Variants in PARPBP observed in about 807,000 individuals in gnomAD.
The protein encoded by PARPBP is PCNA-interacting partner.
In PARPBP, 52 loss-of-function variants were observed where a neutral mutation model predicts 50.0. That is an observed-to-expected ratio of 1.04 (90% CI 0.83 to 1.31). The LOEUF is 1.31. PARPBP is among the 50% of genes most tolerant of loss of function. The probability of loss-of-function intolerance (pLI) is 0.00; values close to 1 mark genes in which losing one functional copy is unlikely to be tolerated. For missense variants in PARPBP, 697 were observed against 672.0 expected (o/e 1.04, Z -0.41); for synonymous variants, 244 against 232.1 (o/e 1.05, Z -0.47).
chr12:102,191,393 T>TA (rs1890782727), intron 9 of PARPBP, among the ~76,000 whole-genome samples: 2 of 152,172 alleles, frequency 1.3e-5, no homozygotes, highest in Admixed American at 6.6e-5. Flanking sequence ...ATTAAGGATA[T>TA]AAAATCTCTG....
At chr12:102,165,602 T>G in intron 5 of PARPBP, 127 bp from the exon 6 acceptor site, 1 of 696,412 alleles carries the variant, frequency 1.4e-6, no homozygotes, top group South Asian at 1.8e-5. Flanking sequence ...AAGTGTGTCA[T>G]GAGCCATAAA....
chr12:102,144,989 G>A (rs191868673), intron 2 of PARPBP, among the ~76,000 whole-genome samples: 4 of 152,180 alleles, frequency 2.6e-5, no homozygotes, highest in Admixed American at 2.0e-4. Context: ...GACACAACAG[G>A]CCCCTGCACT....
intron 3 of PARPBP, among the ~76,000 whole-genome samples, chr12:102,151,351 A>G (rs972750128): frequency 6.6e-6 from 1 of 152,208 alleles, no homozygotes; most frequent in African/African-American, 2.4e-5. Context: ...GCAACTACCC[A>G]CGGAAGAATG....
intron 9 of PARPBP, among the ~76,000 whole-genome samples, chr12:102,191,518 G>A (rs1197409830): frequency 2.0e-5 from 3 of 152,108 alleles, no homozygotes; most frequent in African/African-American, 4.8e-5. Flanking sequence ...ATATTTATTG[G>A]TATAATGGGG....
Position 102,140,269 on chromosome 12 carries a change from A to G in PARPBP, c.154-7961A>G, listed in dbSNP as rs893345838. On this transcript the variant is annotated intron_variant, in intron 2 of 10. Coordinates refer to ENST00000327680, the MANE Select transcript of PARPBP (RefSeq NM_017915.5). ...CTTCTAGATTTTCTAGTTCATTTGC[A>G]TAGAGGTGTTTATAGTATTGTCTGA... is the stretch of plus-strand genomic sequence containing the variant. Among the ~76,000 whole-genome samples, 10 of 152,126 alleles carry G rather than the reference A, an allele frequency of 6.6e-5. No homozygotes were observed. In the East Asian group the frequency reaches 1.7e-3, roughly 26 times the overall value.
At chr12:102,180,868 A>G (rs549721897) in intron 8 of PARPBP, among the ~76,000 whole-genome samples, 2 of 152,340 alleles carry the variant, frequency 1.3e-5, no homozygotes, top group South Asian at 4.1e-4. Flanking sequence ...TGATAAAATT[A>G]AGGACAATGA....
chr12:102,195,490 A>G (rs1030560404), intron 10 of PARPBP, 43 bp downstream of exon 10: 1 of 1,447,604 alleles, frequency 6.9e-7, no homozygotes, highest in African/African-American at 1.4e-5. Context: ...ATTTAATTCT[A>G]GTCTACTAAT....
chr12:102,153,562 G>GA (rs1221947221), intron 3 of PARPBP, among the ~76,000 whole-genome samples: 2 of 152,154 alleles, frequency 1.3e-5, no homozygotes, highest in Non-Finnish European at 2.9e-5. Flanking sequence ...GGCTGGTCTT[G>GA]AACTCCCGGG....
At chr12:102,178,180 A>G (rs186020755) in intron 7 of PARPBP, among the ~76,000 whole-genome samples, 7 of 152,248 alleles carry the variant, frequency 4.6e-5, no homozygotes, top group Non-Finnish European at 1.0e-4. Flanking sequence ...CTAGCTTTTC[A>G]TTTTTGCATT....
chr12:102,185,285 G>C (rs1011186912), intron 9 of PARPBP, among the ~76,000 whole-genome samples: 1 of 152,142 alleles, frequency 6.6e-6, no homozygotes, highest in African/African-American at 2.4e-5. Flanking sequence ...CAGTTGAAAG[G>C]ATCATATGAT....
intron 2 of PARPBP, among the ~76,000 whole-genome samples, chr12:102,133,275 C>T (rs567164087): frequency 1.1e-4 from 16 of 152,150 alleles, no homozygotes; most frequent in African/African-American, 3.1e-4. Flanking sequence ...ATGATGTTAG[C>T]TGTGAGTTTG....
intron 6 of PARPBP, among the ~76,000 whole-genome samples, chr12:102,170,973 C>T (rs777337830): frequency 2.1e-5 from 3 of 145,716 alleles, no homozygotes; most frequent in Non-Finnish European, 4.5e-5. Context: ...TAAACATTAG[C>T]CTAGGTCTAC....
intron 9 of PARPBP, among the ~76,000 whole-genome samples, chr12:102,184,125 T>G (rs963414712): frequency 5.9e-5 from 9 of 151,574 alleles, no homozygotes; most frequent in Admixed American, 3.9e-4. Context: ...CGTTAAATAT[T>G]ACCGGGAAAG....
At chr12:102,158,536 A>G (rs1887212665) in intron 4 of PARPBP, among the ~76,000 whole-genome samples, 1 of 152,140 alleles carries the variant, frequency 6.6e-6, no homozygotes, top group Admixed American at 6.5e-5. Flanking sequence ...TCCCAAGCCC[A>G]CCTTGAATGT....
intron 9 of PARPBP, among the ~76,000 whole-genome samples, chr12:102,193,390 T>G (rs958705568): frequency 1.2e-4 from 18 of 151,824 alleles, no homozygotes; most frequent in South Asian, 6.2e-4. Context: ...CTCATGAGAG[T>G]TTTGCAGTGA....
chr12:102,182,450 A>T (rs1889915915), intron 8 of PARPBP, 99 bp from the exon 9 acceptor site: 1 of 781,550 alleles, frequency 1.3e-6, no homozygotes, highest in Non-Finnish European at 2.1e-6. Flanking sequence ...TTGAGGAAAA[A>T]CTAGATTGTA....
intron 2 of PARPBP, among the ~76,000 whole-genome samples, chr12:102,143,420 C>A (rs1043333854): frequency 1.3e-5 from 2 of 152,216 alleles, no homozygotes; most frequent in Non-Finnish European, 2.9e-5. Context: ...AATTCCCCGA[C>A]CCCTTGCGCT....
chr12:102,144,708 AAAT>A (rs1222366830), intron 2 of PARPBP, among the ~76,000 whole-genome samples: 2 of 152,192 alleles, frequency 1.3e-5, no homozygotes, highest in Non-Finnish European at 2.9e-5. Context: ...GTCAGACTAA[AAAT>A]AGTGTTAGGA....
intron 4 of PARPBP, among the ~76,000 whole-genome samples, chr12:102,162,671 G>A (rs1887722076): frequency 6.6e-6 from 1 of 151,924 alleles, no homozygotes; most frequent in Non-Finnish European, 1.5e-5. Flanking sequence ...AAATAAAAAC[G>A]TTTTGCTGCT....
Sources: allele counts gnomAD v4.1 joint callset (sites outside exome capture counted in the v4.1 genomes callset), GRCh38; gene constraint gnomAD v4.1.1; transcripts MANE v1.5; gene names NCBI Gene and HGNC (gene_info 2026-07-23, HGNC 2026-07-21).